The following NPAS2 variants were observed in gnomAD, a reference collection of about 807,000 sequenced individuals.
NPAS2 encodes the protein neuronal PAS domain protein 2.
Under a neutral mutation model 107.5 loss-of-function variants are expected in NPAS2, and 23 were observed. The observed-to-expected ratio is 0.21, with a 90% CI of 0.15 to 0.30. NPAS2 has a LOEUF of 0.30. Ranked by LOEUF, NPAS2 falls within the 10% of genes least tolerant of loss-of-function variation. NPAS2 has a pLI of 1.00. For synonymous variants in NPAS2, 403 were observed against 417.5 expected (o/e 0.97, Z 0.42); for missense variants, 756 against 1,043.3 (o/e 0.72, Z 3.79).
At chr2:100,822,629 A>AT (rs1427643846) in intron 1 of NPAS2, 1 of 152,142 alleles carries the variant, frequency 6.6e-6, no homozygotes. Context: ...TTATATGTTC[A>AT]TTTTTTCAGA....
Position 100,995,844 on chromosome 2 carries a change from G to A in NPAS2, c.*262G>A, listed in dbSNP as rs370026606. 7 of 1,528,266 alleles carry A rather than the reference G, an allele frequency of 4.6e-6. No individual in the cohort carries two copies. The highest frequency in any genetic ancestry group is 2.4e-5 in the South Asian group (2 of 83,018). The allele number at this position is 1,528,266 out of a possible 1,614,324, so 94.7% of individuals were successfully genotyped here. The stretch of plus-strand genomic sequence containing the variant: ...ATACTGGACAGGAACCAGGTGCCCC[G>A]TGTAGGCATCGTCGGTCGGTTTGCC... On this transcript the variant is annotated 3_prime_UTR_variant, in exon 21 of 21. Transcript: ENST00000335681.
At chr2:100,841,827 C>A (rs1677424351) in intron 1 of NPAS2, among the ~76,000 whole-genome samples, 1 of 152,120 alleles carries the variant, frequency 6.6e-6, no homozygotes, top group South Asian at 2.1e-4. Flanking sequence ...CACAGAAAGA[C>A]ACATACATAT....
chr2:100,875,946 C>T (rs72970050), intron 1 of NPAS2, among the ~76,000 whole-genome samples: 5,933 of 152,214 alleles, frequency 0.039, 229 homozygotes, highest in African/African-American at 0.097. Context: ...GGGTTAAAAC[C>T]GTGTGAAGTG....
At chr2:100,862,828 G>A (rs1003797065) in intron 1 of NPAS2, among the ~76,000 whole-genome samples, 4 of 152,076 alleles carry the variant, frequency 2.6e-5, no homozygotes, top group Non-Finnish European at 5.9e-5. Flanking sequence ...GCTCTTGTAC[G>A]CCTCCCATTT....
intron 1 of NPAS2, among the ~76,000 whole-genome samples, chr2:100,897,747 T>C (rs1441336882): frequency 1.3e-5 from 2 of 152,186 alleles, no homozygotes; most frequent in African/African-American, 4.8e-5. Flanking sequence ...AGGCTCTGTG[T>C]TTACTTATTT....
chr2:100,972,536 A>C (rs1676649176), intron 12 of NPAS2: 1 of 152,240 alleles, frequency 6.6e-6, no homozygotes, highest in Non-Finnish European at 1.5e-5. Flanking sequence ...AGTTGGGAGG[A>C]AGGAGAAATC....
At chr2:100,975,768 T>G (rs1299545705) in intron 14 of NPAS2, 3 of 484,134 alleles carry the variant, frequency 6.2e-6, no homozygotes, top group African/African-American at 4.1e-5. Flanking sequence ...TTAACATGGA[T>G]GCATATCCAT....
intron 7 of NPAS2, among the ~76,000 whole-genome samples, chr2:100,953,029 TA>T (rs1443609575): frequency 0.033 from 4,702 of 142,744 alleles, 272 homozygotes; most frequent in South Asian, 0.077. Context: ...AATATCATTC[TA>T]ACTGGGATTA....
At chr2:100,963,930 A>T (rs2105149634) in intron 7 of NPAS2, 128 bp from the exon 8 acceptor site, 2 of 598,582 alleles carry the variant, frequency 3.3e-6, no homozygotes, top group Non-Finnish European at 3.0e-6. Context: ...TGTGAAAATG[A>T]AATGAGTTAA....
intron 19 of NPAS2, 92 bp from the exon 20 acceptor site, chr2:100,993,255 C>A (rs1678241694): frequency 7.7e-7 from 1 of 1,297,014 alleles, no homozygotes; most frequent in South Asian, 1.5e-5. Flanking sequence ...TGAAGTCCAA[C>A]TTATTTGTTT....
intron 16 of NPAS2, chr2:100,982,647 C>T (rs1407313874): frequency 4.0e-6 from 2 of 497,216 alleles, no homozygotes; most frequent in Non-Finnish European, 7.3e-6. Context: ...TACGTTTGCA[C>T]TTGTGCACTT....
chr2:100,982,603 A>C, intron 16 of NPAS2: 1 of 575,390 alleles, frequency 1.7e-6, no homozygotes, highest in South Asian at 2.1e-5. Context: ...CTCGCCCCTC[A>C]CTCTGACAGG....
At chr2:100,943,976 T>G (rs967685908) in intron 5 of NPAS2, among the ~76,000 whole-genome samples, 1 of 152,222 alleles carries the variant, frequency 6.6e-6, no homozygotes, top group African/African-American at 2.4e-5. Context: ...GGCATTTTGA[T>G]GAACAGAGAT....
At chr2:100,857,653 G>C (rs556652031) in intron 1 of NPAS2, among the ~76,000 whole-genome samples, 1 of 152,238 alleles carries the variant, frequency 6.6e-6, no homozygotes, top group East Asian at 1.9e-4. Flanking sequence ...GCCTGGCCAA[G>C]TCTCCGCAAA....
intron 5 of NPAS2, among the ~76,000 whole-genome samples, chr2:100,946,145 G>A (rs185749320): frequency 9.8e-5 from 15 of 152,332 alleles, no homozygotes; most frequent in Admixed American, 2.0e-4. Context: ...TTTATTGAAT[G>A]TCTGCCACGT....
At chr2:100,856,346 A>G (rs1250649803) in intron 1 of NPAS2, among the ~76,000 whole-genome samples, 1 of 152,182 alleles carries the variant, frequency 6.6e-6, no homozygotes, top group Non-Finnish European at 1.5e-5. Context: ...GACTATCCAC[A>G]TTCCCGAGCA....
At chr2:100,852,981 G>A (rs1678305565) in intron 1 of NPAS2, among the ~76,000 whole-genome samples, 1 of 152,110 alleles carries the variant, frequency 6.6e-6, no homozygotes, top group Non-Finnish European at 1.5e-5. Flanking sequence ...TATTAAATTA[G>A]CAAGCTGAAC....
chr2:100,819,482 C>T (rs1675922317), upstream of NPAS2, among the ~76,000 whole-genome samples: 2 of 152,254 alleles, frequency 1.3e-5, no homozygotes, highest in South Asian at 4.1e-4. The surrounding 1 kb of genome is among the most constrained non-coding windows in gnomAD (Gnocchi z 5.8). Flanking sequence ...TCCCACCTGC[C>T]CCCGGGCCGC....
Position 100,965,004 on chromosome 2 carries a change from A to AG in NPAS2, c.800+63dup, listed in dbSNP as rs200313859. 1.0e-3 allele frequency: 1,156 copies of AG among 1,139,482 alleles called. 14 individuals are homozygous for AG. The East Asian group carries it at 0.024, about 24-fold the overall frequency. 70.6% of individuals were successfully genotyped at this position (1,139,482 alleles called of 1,614,324 possible). A position where few individuals can be genotyped will look rare whatever the true frequency, so the allele number is the denominator to read the frequency against. On this transcript the variant is annotated intron_variant, in intron 9 of 20. Coordinates refer to ENST00000335681, the MANE Select transcript of NPAS2 (RefSeq NM_002518.4). The surrounding 1 kb of genome is among the most constrained non-coding windows in gnomAD (Gnocchi z 4.3). ...TTCTCAAGTCTTGTTTGCGTGAGCC[A>AG]GGCTCTCCTTGGGAGAGAAGAGTCG...
Sources: gnomAD v4.1 joint callset for allele counts (sites outside exome capture counted in the v4.1 genomes callset) on GRCh38, gnomAD v4.1.1 for gene constraint, Gnocchi (gnomAD v3.1) non-coding constraint, MANE v1.5 for transcripts, NCBI Gene and HGNC (gene_info 2026-07-23, HGNC 2026-07-21) for gene names.